The following SYNE2 variants were observed in gnomAD, a reference collection of about 807,000 sequenced individuals.
The protein encoded by SYNE2 is nesprin-2.
Under a neutral mutation model 856.3 loss-of-function variants are expected in SYNE2, and 431 were observed. The observed-to-expected ratio is 0.50, with a 90% confidence interval of 0.47 to 0.55. The LOEUF (loss-of-function observed/expected upper bound fraction) is 0.55, where lower values mean the gene tolerates loss of function less well. SYNE2 is among the 20% of genes least tolerant of loss of function. SYNE2 has a pLI of 0.00. For synonymous variants in SYNE2, 2,923 were observed against 2,872.3 expected, an observed-to-expected ratio of 1.02 and a Z score of -0.56; for missense variants, 8,129 against 8,023.2, an observed-to-expected ratio of 1.01 and a Z score of -0.50.
At chr14:63,998,427 A>G in intron 26 of SYNE2, 99 bp downstream of exon 26, 1 of 787,102 alleles carries the variant, frequency 1.3e-6, no homozygotes, top group Non-Finnish European at 2.2e-6. Context: ...TTTAGTCGTC[A>G]TTTTGCATAT....
chr14:64,115,927 G>T (rs557855303), intron 66 of SYNE2, among the ~76,000 whole-genome samples: 115 of 152,286 alleles, frequency 7.6e-4, no homozygotes, highest in Non-Finnish European at 1.3e-3. Context: ...GCCAAGGCGG[G>T]TGGATTGCTT....
intron 45 of SYNE2, among the ~76,000 whole-genome samples, chr14:64,038,716 G>A (rs925637748): frequency 2.6e-5 from 4 of 152,238 alleles, no homozygotes; most frequent in Non-Finnish European, 5.9e-5. Flanking sequence ...GGCGGCGGGC[G>A]CCTGCAATCG....
intron 1 of SYNE2, among the ~76,000 whole-genome samples, chr14:63,861,778 A>G (rs1893810741): frequency 6.6e-6 from 1 of 152,180 alleles, no homozygotes; most frequent in Admixed American, 6.5e-5. Flanking sequence ...AAAAAAAGGA[A>G]TGTAGGTAAA....
rs1596019658 is a variant in SYNE2 at position 63,981,182 on chromosome 14, A to G, written c.1836+9A>G. 14 of 1,604,892 alleles carry G rather than the reference A, an allele frequency of 8.7e-6. No individual in the cohort carries two copies. Among genetic ancestry groups the G allele is most frequent in the Admixed American group, 1.7e-5 (1 of 59,996 alleles). Reference sequence around the variant, plus strand: ...AGGAAGAAATTAAAGAGGTATTTGCAGTCTAATAGCATCTGCTCAATTTTA... The same window carrying G: ...AGGAAGAAATTAAAGAGGTATTTGCGGTCTAATAGCATCTGCTCAATTTTA... On this transcript the variant is annotated intron_variant, in intron 16 of 115. Transcript: ENST00000555002.
rs753202342 is a variant in SYNE2, at chr14:63,942,151, G to A, written c.408+8G>A. The A allele has an allele frequency of 1.3e-6, 2 of 1,522,582 alleles. No homozygotes were observed. The highest frequency in any genetic ancestry group is 4.5e-5 in the East Asian group (2 of 44,454). 94.3% of individuals were successfully genotyped at this position (1,522,582 alleles called of 1,614,324 possible). Reference sequence around the variant, plus strand: ...ATTATCCTGCACTTTCATGTAAGTAGTTTGATGATATAAAAATTATTTCTA... The same window carrying A: ...ATTATCCTGCACTTTCATGTAAGTAATTTGATGATATAAAAATTATTTCTA... On this transcript the variant is annotated splice_region_variant and intron_variant, in intron 6 of 115. Transcript: ENST00000555002.
intron 30 of SYNE2, among the ~76,000 whole-genome samples, chr14:64,005,829 A>C (rs1243378044): frequency 1.3e-5 from 2 of 152,178 alleles, no homozygotes; most frequent in Admixed American, 1.3e-4. Context: ...GAGGAGAGTG[A>C]GTTTAGATAA....
At chr14:63,923,055 A>C (rs1486978951) in intron 2 of SYNE2, among the ~76,000 whole-genome samples, 7 of 152,362 alleles carry the variant, frequency 4.6e-5, no homozygotes, top group Admixed American at 4.6e-4. Flanking sequence ...GGTAGTTAAA[A>C]GGTAGCAAGG....
intron 54 of SYNE2, among the ~76,000 whole-genome samples, chr14:64,077,774 A>G (rs902571429): frequency 4.6e-5 from 7 of 152,190 alleles, no homozygotes; most frequent in African/African-American, 1.7e-4. Context: ...GGAAAGTGAT[A>G]CATTCAACAT....
intron 45 of SYNE2, among the ~76,000 whole-genome samples, chr14:64,031,632 A>T (rs2097036414): frequency 6.6e-6 from 1 of 152,252 alleles, no homozygotes; most frequent in Non-Finnish European, 1.5e-5. Context: ...TTGGGTCAAG[A>T]GCACAAAGGC....
chr14:63,803,223 G>C (rs999411817), intron 1 of SYNE2, among the ~76,000 whole-genome samples: 6 of 152,240 alleles, frequency 3.9e-5, no homozygotes, highest in Non-Finnish European at 5.9e-5. Flanking sequence ...CCCCACCGGG[G>C]CTGCAGGTGG....
intron 74 of SYNE2, among the ~76,000 whole-genome samples, 175 bp from the exon 75 acceptor site, chr14:64,129,606 AG>A (rs2097991396): frequency 6.6e-6 from 1 of 152,210 alleles, no homozygotes; most frequent in Non-Finnish European, 1.5e-5. Context: ...GGAGCATGTT[AG>A]GAACTTGGGA....
chr14:63,974,890 G>GTATATATATATATA (rs1281921502), intron 11 of SYNE2, among the ~76,000 whole-genome samples: 116 of 27,468 alleles, frequency 4.2e-3, no homozygotes, highest in East Asian at 0.016. Flanking sequence ...GTGTGTGTGT[G>GTATATATATATATA]TGTATATATA....
rs755564768 is a variant in SYNE2 at position 64,188,708 on chromosome 14, G to T, written c.17871G>T (p.Lys5957Asn). 6.2e-7 allele frequency: 1 copy of T among 1,614,094 alleles called. No individual in the cohort carries two copies. The highest frequency in any genetic ancestry group is 2.2e-5 in the East Asian group (1 of 44,888). The change falls in exon 98 of 116, where the codon AAG (lysine) becomes AAT (asparagine). Residue 5957 changes from lysine (K) to asparagine (N), a missense_variant and splice_region_variant. This residue lies in a region of SYNE2 where 5,410 missense variants were observed against 5,284.8 expected (regional missense o/e 1.02). Coordinates refer to ENST00000555002, the MANE Select transcript of SYNE2 (RefSeq NM_182914.3). ...AAGAAATGATTGAAAAGTTACAGAA[G>T]GTAAGGGAGGACACCCAGGTGGATG... is the stretch of plus-strand genomic sequence containing the variant. ...SIEEMIEKLQ[K>N]DCMEEINLFS... is the part of the protein sequence containing the mutation.
chr14:64,120,631 G>A (rs2097891149), intron 67 of SYNE2, among the ~76,000 whole-genome samples: 1 of 152,042 alleles, frequency 6.6e-6, no homozygotes, highest in South Asian at 2.1e-4. Context: ...GGGTGTGGTG[G>A]GCACAACTGC....
At position 64,119,367 on chromosome 14, in the gene SYNE2, G is replaced by C; in HGVS notation, c.12841-60G>C. 1.9e-6 allele frequency: 3 copies of C among 1,595,576 alleles called. No individual in the cohort carries two copies. In the Admixed American group the frequency reaches 5.0e-5, roughly 27 times the overall value. ...AAAAAGAGTAAGTCTTAACTTGTTT[G>C]CAGGCACAATACTTCTTCAAGAACA... On this transcript the variant is annotated intron_variant, in intron 66 of 115. Coordinates refer to ENST00000555002, the MANE Select transcript of SYNE2 (RefSeq NM_182914.3).
chr14:64,215,271 A>G lies in SYNE2; in HGVS notation c.19334-15A>G, dbSNP rs200114629. On this transcript the variant is annotated splice_polypyrimidine_tract_variant and intron_variant, in intron 106 of 115. Coordinates refer to ENST00000555002, the MANE Select transcript of SYNE2 (RefSeq NM_182914.3). The stretch of plus-strand genomic sequence containing the variant: ...AGGCACCTCCAGTGAGGCAAATGAC[A>G]TTGTTCTTTTTCAGATGTAGAAATC... 349 of 1,613,848 alleles carry G rather than the reference A, an allele frequency of 2.2e-4. 1 individual carries two copies. The African/African-American group carries it at 3.6e-3, about 17-fold the overall frequency.
chr14:64,085,199 G>A (rs761015585), intron 57 of SYNE2: 322 of 533,592 alleles, frequency 6.0e-4, no homozygotes, highest in Non-Finnish European at 6.8e-4. Context: ...TAGCCTCCCA[G>A]GTAGTTGGGA....
chr14:64,202,727 AC>A, intron 99 of SYNE2, 73 bp from the exon 100 acceptor site: 1 of 1,598,758 alleles, frequency 6.3e-7, no homozygotes. Context: ...TTCTTCCACC[AC>A]TAAGTATTGG....
At chr14:64,214,531 T>C in intron 106 of SYNE2, 61 bp downstream of exon 106, 1 of 1,497,754 alleles carries the variant, frequency 6.7e-7, no homozygotes, top group Non-Finnish European at 9.0e-7. Context: ...TTTAGCCCCT[T>C]AGCAACACGG....
Sources: gnomAD v4.1 joint callset for allele counts (sites outside exome capture counted in the v4.1 genomes callset) on GRCh38, gnomAD v4.1.1 for gene constraint, gnomAD v4.1.1 regional missense constraint, MANE v1.5 for transcripts, NCBI Gene and HGNC (gene_info 2026-07-23, HGNC 2026-07-21) for gene names.